GTF3C2: variants seen among roughly 807,000 people sequenced by gnomAD.
The protein encoded by GTF3C2 is general transcription factor IIIC subunit 2.
In GTF3C2, 17 loss-of-function variants were observed where a neutral mutation model predicts 117.4. The observed-to-expected ratio is 0.14, with a 90% CI of 0.10 to 0.22. The LOEUF is 0.22. GTF3C2 is among the 10% of genes least tolerant of loss of function. The pLI, the probability that GTF3C2 is intolerant of heterozygous loss-of-function variation, is 1.00. For missense variants in GTF3C2, 888 were observed against 1,143.6 expected, an observed-to-expected ratio of 0.78 and a Z score of 3.22; for synonymous variants, 437 against 427.0, an observed-to-expected ratio of 1.02 and a Z score of -0.29.
intron 3 of GTF3C2, 60 bp downstream of exon 3, chr2:27,342,766 G>A: frequency 7.9e-7 from 1 of 1,268,224 alleles, no homozygotes; most frequent in East Asian, 2.3e-5. Context: ...TCCAACATCT[G>A]CCCCACCCTG....
exon 2 of GTF3C2, chr2:27,343,477 A>G: frequency 1.2e-6 from 2 of 1,614,132 alleles, no homozygotes; most frequent in Non-Finnish European, 1.7e-6. Context: ...CCTCTTGTCC[A>G]GGAGAGTCTA....
intron 1 of GTF3C2, among the ~76,000 whole-genome samples, chr2:27,355,283 G>A (rs1033533404): frequency 6.6e-6 from 1 of 152,134 alleles, no homozygotes; most frequent in African/African-American, 2.4e-5. Flanking sequence ...AGCACTTTAG[G>A]AGGCCGAGGT....
Position 27,328,654 on chromosome 2 carries a change from TA to T in GTF3C2, c.2128-59del, listed in dbSNP as rs1256330884. The T allele has an allele frequency of 2.8e-6, 4 of 1,418,582 alleles. No individual in the cohort carries two copies. In the African/African-American group the frequency reaches 5.6e-5, roughly 20 times the overall value. 87.9% of individuals were successfully genotyped at this position (1,418,582 alleles called of 1,614,324 possible). On this transcript the variant is annotated intron_variant, in intron 15 of 18. Transcript: ENST00000264720. ...ATATTCATTCAGAGCTATGAACTGG[TA>T]ACAGCTGCACAGTCTGAGAGACAGA... is the stretch of plus-strand genomic sequence containing the variant.
intron 10 of GTF3C2, among the ~76,000 whole-genome samples, chr2:27,334,302 A>G (rs1344527940): frequency 6.6e-6 from 1 of 152,002 alleles, no homozygotes; most frequent in Non-Finnish European, 1.5e-5. Flanking sequence ...TTTATTGAGA[A>G]AGTCCTTATC....
At chr2:27,333,768 G>C in exon 12 of GTF3C2, 1 of 1,605,234 alleles carries the variant, frequency 6.2e-7, no homozygotes, top group Non-Finnish European at 8.5e-7. Context: ...CACCTGCAGA[G>C]TTGCCACACA....
chr2:27,355,642 T>C (rs1008703302), intron 1 of GTF3C2, among the ~76,000 whole-genome samples: 1 of 152,184 alleles, frequency 6.6e-6, no homozygotes, highest in African/African-American at 2.4e-5. Context: ...AAACCTTCCA[T>C]TGCACCCCAA....
intron 12 of GTF3C2, among the ~76,000 whole-genome samples, chr2:27,331,054 C>T (rs1468996772): frequency 6.6e-6 from 1 of 152,110 alleles, no homozygotes; most frequent in Non-Finnish European, 1.5e-5. Context: ...CACCTATGAA[C>T]CTTTCTTGAA....
chr2:27,352,783 C>A lies in GTF3C2; in HGVS notation c.-25+3956G>T, dbSNP rs916596221. Among the ~76,000 whole-genome samples, 9 of 152,292 alleles carry A rather than the reference C, an allele frequency of 5.9e-5. No homozygotes were observed. The South Asian group carries it at 1.2e-3, about 21-fold the overall frequency. The stretch of plus-strand genomic sequence containing the variant: ...CCCAACTCATCAGTGAAATTAAAAT[C>A]ATCAATAATCACTGTATTATTAATC... On this transcript the variant is annotated intron_variant, in intron 1 of 18. Coordinates refer to ENST00000264720, the Ensembl canonical transcript of GTF3C2.
intron 1 of GTF3C2, among the ~76,000 whole-genome samples, chr2:27,344,011 CAAAT>C (rs982373789): frequency 5.3e-5 from 8 of 150,210 alleles, no homozygotes; most frequent in African/African-American, 1.7e-4. Context: ...AACAAGTAAA[CAAAT>C]AAAGCTTCCA....
intron 12 of GTF3C2, among the ~76,000 whole-genome samples, chr2:27,330,274 A>G (rs1279567514): frequency 6.6e-6 from 1 of 151,952 alleles, no homozygotes; most frequent in South Asian, 2.1e-4. Context: ...CCTGGCCAAC[A>G]TGGTAAAACC....
At chr2:27,331,757 G>A (rs1056897429) in intron 12 of GTF3C2, among the ~76,000 whole-genome samples, 2 of 151,972 alleles carry the variant, frequency 1.3e-5, no homozygotes, top group Non-Finnish European at 2.9e-5. Flanking sequence ...TGGGCAACAT[G>A]GCGAAACCCC....
intron 12 of GTF3C2, 61 bp downstream of exon 12, chr2:27,333,594 C>T: frequency 8.7e-7 from 1 of 1,154,700 alleles, no homozygotes; most frequent in Non-Finnish European, 1.3e-6. Context: ...AACCAAAAAA[C>T]AAGCATATAT....
intron 10 of GTF3C2, among the ~76,000 whole-genome samples, chr2:27,334,969 G>C (rs1393907762): frequency 6.6e-6 from 1 of 152,024 alleles, no homozygotes; most frequent in Non-Finnish European, 1.5e-5. Context: ...TTGAAAGAAT[G>C]GTCTATATTT....
intron 1 of GTF3C2, among the ~76,000 whole-genome samples, chr2:27,352,385 G>A (rs1046523929): frequency 6.6e-6 from 1 of 152,120 alleles, no homozygotes; most frequent in East Asian, 1.9e-4. Context: ...GCCGTTAGGT[G>A]GGAGATACTT....
At chr2:27,351,341 AAG>A (rs1681130081) in intron 1 of GTF3C2, among the ~76,000 whole-genome samples, 1 of 151,978 alleles carries the variant, frequency 6.6e-6, no homozygotes, top group Admixed American at 6.6e-5. Flanking sequence ...TGGAACCTGG[AAG>A]GTGGAGGCTG....
intron 4 of GTF3C2, 51 bp from the exon 5 acceptor site, chr2:27,338,071 C>T (rs759640032): frequency 2.6e-5 from 30 of 1,133,168 alleles, no homozygotes; most frequent in Admixed American, 5.1e-5. Context: ...ACAGGTTGGA[C>T]AAAGTCCCAG....
intron 12 of GTF3C2, among the ~76,000 whole-genome samples, chr2:27,332,336 CTCTAA>C (rs1011479141): frequency 6.6e-5 from 10 of 151,078 alleles, no homozygotes; most frequent in African/African-American, 2.4e-4. Context: ...AAACTCTTTC[CTCTAA>C]TCTTTCTATT....
chr2:27,338,025 G>A lies in GTF3C2; in HGVS notation c.856-5C>T, dbSNP rs767460461. 1.9e-6 allele frequency: 3 copies of A among 1,579,040 alleles called. No homozygotes were observed. The highest frequency in any genetic ancestry group is 2.2e-5 in the South Asian group (2 of 90,436). ...TCGGCAGTGTGGTTTCTGTTTCTGA[G>A]GATCAAATTGAAGAAAATATAAGGG... On this transcript the variant is annotated splice_polypyrimidine_tract_variant and splice_region_variant and intron_variant, in intron 4 of 18. Coordinates refer to ENST00000264720, the Ensembl canonical transcript of GTF3C2.
chr2:27,333,514 TCTA>T (rs1438810927), intron 12 of GTF3C2, 138 bp downstream of exon 12: 24 of 624,158 alleles, frequency 3.8e-5, no homozygotes, highest in Admixed American at 9.4e-5. Context: ...CTTATTTCTT[TCTA>T]TTTTTTTTTT....
Sources: allele counts gnomAD v4.1 joint callset (sites outside exome capture counted in the v4.1 genomes callset), GRCh38; gene constraint gnomAD v4.1.1; transcripts MANE v1.5; gene names NCBI Gene and HGNC (gene_info 2026-07-23, HGNC 2026-07-21).